Variants in PLCB4 observed in about 807,000 individuals in gnomAD.
PLCB4 encodes phospholipase C beta 4.
In PLCB4, 77 loss-of-function variants were observed where a neutral mutation model predicts 178.8. That is an observed-to-expected ratio of 0.43 (90% CI 0.36 to 0.52). The LOEUF is 0.52. PLCB4 is among the 20% of genes least tolerant of loss of function. The pLI is 0.00. For synonymous variants in PLCB4, 496 were observed against 490.8 expected, an observed-to-expected ratio of 1.01 and a Z score of -0.14; for missense variants, 1,024 against 1,453.4, an observed-to-expected ratio of 0.70 and a Z score of 4.80.
chr20:9,111,521 T>C (rs555101178), intron 2 of PLCB4, among the ~76,000 whole-genome samples: 6 of 152,314 alleles, frequency 3.9e-5, no homozygotes, highest in African/African-American at 1.2e-4. Flanking sequence ...TCTTGAAAGG[T>C]TCTGTCTGGG....
intron 4 of PLCB4, among the ~76,000 whole-genome samples, chr20:9,310,054 A>G (rs2094812557): frequency 6.6e-6 from 1 of 152,256 alleles, no homozygotes; most frequent in Non-Finnish European, 1.5e-5. Context: ...TCATGATAAC[A>G]TACCAAACCA....
intron 1 of PLCB4, among the ~76,000 whole-genome samples, chr20:9,085,839 C>T (rs1048092637): frequency 1.2e-4 from 19 of 152,044 alleles, no homozygotes; most frequent in Non-Finnish European, 1.8e-4. Flanking sequence ...ACATATTATA[C>T]GGGGATTGGT....
intron 3 of PLCB4, among the ~76,000 whole-genome samples, chr20:9,273,378 G>A (rs566169945): frequency 1.3e-5 from 2 of 152,164 alleles, no homozygotes; most frequent in African/African-American, 2.4e-5. Context: ...ACTGAAATAC[G>A]GAGAGGTTAA....
chr20:9,278,179 G>C (rs2094466003), intron 3 of PLCB4, among the ~76,000 whole-genome samples: 1 of 152,048 alleles, frequency 6.6e-6, no homozygotes, highest in African/African-American at 2.4e-5. Flanking sequence ...TTGGTGGATA[G>C]GGAAGAGGTG....
chr20:9,256,579 G>A (rs1488964867), intron 3 of PLCB4, among the ~76,000 whole-genome samples: 1 of 152,172 alleles, frequency 6.6e-6, no homozygotes, highest in Non-Finnish European at 1.5e-5. Flanking sequence ...GAGAAAGGAT[G>A]TTGGGTGGGC....
intron 4 of PLCB4, among the ~76,000 whole-genome samples, chr20:9,325,471 T>G (rs993963089): frequency 6.6e-6 from 1 of 152,146 alleles, no homozygotes; most frequent in Non-Finnish European, 1.5e-5. Context: ...TTAGGAATAA[T>G]TTCTTCACCT....
chr20:9,127,716 G>C (rs140700051), intron 2 of PLCB4, among the ~76,000 whole-genome samples: 4,907 of 151,396 alleles, frequency 0.032, 96 homozygotes, highest in Non-Finnish European at 0.046. Flanking sequence ...ACGGAGTCTT[G>C]CTCTGTCACC....
intron 2 of PLCB4, among the ~76,000 whole-genome samples, chr20:9,173,911 G>C (rs976344942): frequency 5.9e-5 from 9 of 152,118 alleles, no homozygotes; most frequent in African/African-American, 2.2e-4. Flanking sequence ...GACCTCTACA[G>C]TGCTGAGGAA....
intron 2 of PLCB4, among the ~76,000 whole-genome samples, chr20:9,165,363 G>C (rs143888667): frequency 6.6e-6 from 1 of 152,268 alleles, no homozygotes; most frequent in East Asian, 1.9e-4. Flanking sequence ...AGAGATAGTA[G>C]TACAAGTTGG....
At chr20:9,414,677 T>C (rs978740059) in intron 25 of PLCB4, among the ~76,000 whole-genome samples, 14 of 152,192 alleles carry the variant, frequency 9.2e-5, no homozygotes, top group Admixed American at 5.2e-4. Context: ...CTGGCTGATC[T>C]TGTGGGAGGA....
At chr20:9,087,366 G>A (rs1205336074) in intron 1 of PLCB4, among the ~76,000 whole-genome samples, 1 of 152,040 alleles carries the variant, frequency 6.6e-6, no homozygotes, top group Admixed American at 6.6e-5. Context: ...TGTTGGATGG[G>A]CCACACTTAG....
In PLCB4 at chr20:9,214,332, G is replaced by A. The variant is rs116406684; in HGVS notation, c.-78-3058G>A. 5.6e-3 allele frequency among the ~76,000 whole-genome samples: 849 copies of A among 152,160 alleles called. 11 individuals carry two copies. The highest frequency in any genetic ancestry group is 0.019 in the African/African-American group (802 of 41,494). Reference sequence around the variant, plus strand: ...TAGGAGCCTATCTTCATTCGTTTGCGTGTGAGATACCATATGTGGTCTTTG... The same window carrying A: ...TAGGAGCCTATCTTCATTCGTTTGCATGTGAGATACCATATGTGGTCTTTG... On this transcript the variant is annotated intron_variant, in intron 2 of 39. Coordinates refer to ENST00000378473, the MANE Select transcript of PLCB4 (RefSeq NM_001377142.1).
In PLCB4 at chr20:9,307,809, A is replaced by G. The variant is rs1350457376; in HGVS notation, c.-6A>G. 3.8e-6 allele frequency: 6 copies of G among 1,559,010 alleles called. No individual in the cohort carries two copies. The highest frequency in any genetic ancestry group is 5.3e-6 in the Non-Finnish European group (6 of 1,139,570). On this transcript the variant is annotated 5_prime_UTR_variant, in exon 4 of 40. It adds an upstream start codon to the 5' untranslated region. Coordinates refer to ENST00000378473, the MANE Select transcript of PLCB4 (RefSeq NM_001377142.1). ...TCTTTTTCATTTTTAGGTCTTGAAT[A>G]TAATCATGGCCAAACCTTATGAATT...
intron 7 of PLCB4, among the ~76,000 whole-genome samples, chr20:9,342,642 T>G (rs972382357): frequency 2.7e-5 from 4 of 149,894 alleles, no homozygotes; most frequent in African/African-American, 1.0e-4. Flanking sequence ...GTTGCGTGGC[T>G]TTTATGTTTT....
intron 3 of PLCB4, among the ~76,000 whole-genome samples, chr20:9,300,803 G>A (rs1166132184): frequency 6.6e-6 from 1 of 152,062 alleles, no homozygotes; most frequent in African/African-American, 2.4e-5. Flanking sequence ...CAACTTTTTA[G>A]TTCTTTTAAG....
At chr20:9,184,242 G>A (rs1280648726) in intron 2 of PLCB4, among the ~76,000 whole-genome samples, 1 of 152,134 alleles carries the variant, frequency 6.6e-6, no homozygotes, top group East Asian at 1.9e-4. Flanking sequence ...GGGAAAAAAC[G>A]GAAAAGGGAT....
At chr20:9,149,896 A>G (rs1357560759) in intron 2 of PLCB4, among the ~76,000 whole-genome samples, 3 of 152,198 alleles carry the variant, frequency 2.0e-5, no homozygotes, top group African/African-American at 7.2e-5. Flanking sequence ...CAGAGGGAGA[A>G]GTTGAACTGC....
At chr20:9,357,224 G>A (rs762994342) in intron 7 of PLCB4, among the ~76,000 whole-genome samples, 12 of 152,206 alleles carry the variant, frequency 7.9e-5, no homozygotes, top group African/African-American at 1.2e-4. Flanking sequence ...AGATGGCCCC[G>A]TCATTGATTA....
intron 35 of PLCB4, among the ~76,000 whole-genome samples, chr20:9,462,573 T>C (rs1459459556): frequency 6.6e-6 from 1 of 152,112 alleles, no homozygotes; most frequent in Non-Finnish European, 1.5e-5. Flanking sequence ...AGACCTTAAA[T>C]GACCTGACGG....
Sources: gnomAD v4.1 joint callset for allele counts (sites outside exome capture counted in the v4.1 genomes callset) on GRCh38, gnomAD v4.1.1 for gene constraint, MANE v1.5 for transcripts, NCBI Gene and HGNC (gene_info 2026-07-23, HGNC 2026-07-21) for gene names.